The following KCNK2 variants were observed in gnomAD, a reference collection of about 807,000 sequenced individuals.
The protein encoded by KCNK2 is potassium channel subfamily K member 2.
KCNK2 carries 21 observed loss-of-function variants against 40.5 expected under a neutral mutation model. The observed-to-expected ratio is 0.52, with a 90% CI of 0.37 to 0.75. The LOEUF (loss-of-function observed/expected upper bound fraction) is 0.75, where lower values mean the gene tolerates loss of function less well. Among genes scored for constraint, KCNK2 ranks in the 30% least tolerant of loss-of-function variants. KCNK2 has a pLI of 0.00. For missense variants in KCNK2, 399 were observed against 531.6 expected (o/e 0.75, Z 2.45); for synonymous variants, 191 against 202.2 (o/e 0.94, Z 0.47).
At chr1:215,232,384 CAATT>C (rs1666702698) in intron 6 of KCNK2, among the ~76,000 whole-genome samples, 1 of 151,954 alleles carries the variant, frequency 6.6e-6, no homozygotes, top group East Asian at 1.9e-4. Flanking sequence ...ATGTTGATGA[CAATT>C]GAGATGGAAG....
At chr1:215,107,985 C>A (rs1405147553) in intron 2 of KCNK2, among the ~76,000 whole-genome samples, 2 of 152,146 alleles carry the variant, frequency 1.3e-5, no homozygotes, top group Non-Finnish European at 2.9e-5. Flanking sequence ...TTTCCACAGA[C>A]CAATGGCGGT....
chr1:215,117,159 C>T (rs1249232975), intron 2 of KCNK2, among the ~76,000 whole-genome samples: 2 of 151,942 alleles, frequency 1.3e-5, no homozygotes, highest in Non-Finnish European at 2.9e-5. Context: ...GTCCATATAA[C>T]TACAGAATTT....
chr1:215,196,107 G>A (rs1217878613), intron 6 of KCNK2, among the ~76,000 whole-genome samples: 2 of 147,566 alleles, frequency 1.4e-5, no homozygotes, highest in African/African-American at 2.5e-5. Context: ...TTTTTGAGAT[G>A]AAGTCTCGCT....
intron 6 of KCNK2, among the ~76,000 whole-genome samples, chr1:215,212,404 C>CTGATTTGAAGGGCATGTATT (rs1665779908): frequency 6.6e-6 from 1 of 151,884 alleles, no homozygotes; most frequent in South Asian, 2.1e-4. Flanking sequence ...GACAAATTTG[C>CTGATTTGAAGGGCATGTATT]TGATTTGAAG....
At chr1:215,193,188 T>A (rs541556918) in intron 5 of KCNK2, among the ~76,000 whole-genome samples, 3 of 152,268 alleles carry the variant, frequency 2.0e-5, no homozygotes, top group African/African-American at 7.2e-5. Context: ...TAGCAAAATT[T>A]AATTTCTCTA....
intron 5 of KCNK2, among the ~76,000 whole-genome samples, chr1:215,188,585 G>T (rs1032256538): frequency 4.5e-4 from 69 of 151,926 alleles, no homozygotes; most frequent in East Asian, 5.8e-4. Flanking sequence ...AAAAACCATG[G>T]CATGTTTCTC....
rs375163449 is a variant in KCNK2, at chr1:215,191,440, T to C, written c.824-3513T>C. 5.5e-4 allele frequency among the ~76,000 whole-genome samples: 84 copies of C among 152,150 alleles called. No individual in the cohort carries two copies. In the South Asian group the frequency reaches 0.017, roughly 31 times the overall value. ...GCAAATGTTTAGGAAACCTGCTTTG[T>C]GGAGATAATGGTTTCCTAGCAATAA... On this transcript the variant is annotated intron_variant, in intron 5 of 6. Coordinates refer to ENST00000444842, the MANE Select transcript of KCNK2 (RefSeq NM_001017425.3).
chr1:215,210,779 T>G (rs1460494279), intron 6 of KCNK2, among the ~76,000 whole-genome samples: 1 of 152,138 alleles, frequency 6.6e-6, no homozygotes, highest in East Asian at 1.9e-4. Flanking sequence ...CATGCAATGG[T>G]GCACAAAAAT....
intron 1 of KCNK2, among the ~76,000 whole-genome samples, chr1:215,008,146 A>G (rs2102468282): frequency 6.6e-6 from 1 of 151,166 alleles, no homozygotes; most frequent in African/African-American, 2.4e-5. Flanking sequence ...AAAGGAAGCC[A>G]TCTGATTATA....
In KCNK2 at chr1:215,111,371, T is replaced by C. The variant is rs1571624908; in HGVS notation, c.358-13262T>C. Among the ~76,000 whole-genome samples, 6 of 152,262 alleles carry C rather than the reference T, an allele frequency of 3.9e-5. 1 individual carries two copies. The East Asian group carries it at 5.8e-4, about 15-fold the overall frequency. On this transcript the variant is annotated intron_variant, in intron 2 of 6. Coordinates refer to ENST00000444842, the MANE Select transcript of KCNK2 (RefSeq NM_001017425.3). ...TTAACTGTAGGGTGTTATATATGACTATTATTTGTTGTATATATTCATTCA... is the reference window on the plus strand; with the variant it reads ...TTAACTGTAGGGTGTTATATATGACCATTATTTGTTGTATATATTCATTCA...
chr1:215,220,758 T>A (rs1283979813), intron 6 of KCNK2, among the ~76,000 whole-genome samples: 1 of 152,216 alleles, frequency 6.6e-6, no homozygotes, highest in Non-Finnish European at 1.5e-5. Flanking sequence ...ATTTGAAACA[T>A]CATTAAATGT....
At chr1:215,060,645 A>G (rs1658333464) in intron 1 of KCNK2, among the ~76,000 whole-genome samples, 1 of 152,196 alleles carries the variant, frequency 6.6e-6, no homozygotes, top group Non-Finnish European at 1.5e-5. Context: ...ATATTTATCT[A>G]CATGCCCGGG....
intron 6 of KCNK2, among the ~76,000 whole-genome samples, chr1:215,202,907 AG>A (rs1665139032): frequency 6.6e-6 from 1 of 152,124 alleles, no homozygotes; most frequent in African/African-American, 2.4e-5. Flanking sequence ...CTGCTTCCCA[AG>A]TGCTCACAAT....
At chr1:215,130,207 G>T (rs1661606095) in intron 3 of KCNK2, among the ~76,000 whole-genome samples, 1 of 152,266 alleles carries the variant, frequency 6.6e-6, no homozygotes, top group South Asian at 2.1e-4. Context: ...TAATCGTCAG[G>T]CCTACTTCAT....
chr1:215,167,278 G>A lies in KCNK2; in HGVS notation c.476-1921G>A, dbSNP rs575318920. Among the ~76,000 whole-genome samples, 6 of 151,476 alleles carry A rather than the reference G, an allele frequency of 4.0e-5. No individual in the cohort carries two copies. In the East Asian group the frequency reaches 7.7e-4, roughly 20 times the overall value. ...GGATTCCAACAAGTAAAAATCACAC[G>A]GCCCATAATCTTTGAACTACAATGG... On this transcript the variant is annotated intron_variant, in intron 3 of 6. Coordinates refer to ENST00000444842, the MANE Select transcript of KCNK2 (RefSeq NM_001017425.3).
chr1:215,024,123 A>T (rs1414610815), intron 1 of KCNK2, among the ~76,000 whole-genome samples: 1 of 152,216 alleles, frequency 6.6e-6, no homozygotes, highest in Non-Finnish European at 1.5e-5. Context: ...TTCCTAAGGC[A>T]GGTATAGGGA....
intron 5 of KCNK2, among the ~76,000 whole-genome samples, chr1:215,177,899 T>G: frequency 6.6e-6 from 1 of 151,574 alleles, no homozygotes; most frequent in East Asian, 1.9e-4. Context: ...AAGAGCTTTT[T>G]CTAGCTTTGC....
intron 1 of KCNK2, among the ~76,000 whole-genome samples, chr1:215,055,795 G>C (rs973562999): frequency 6.6e-6 from 1 of 152,184 alleles, no homozygotes; most frequent in African/African-American, 2.4e-5. Context: ...TGATGTACTT[G>C]AGAAATGGCT....
At chr1:215,035,989 A>G (rs989200632) in intron 1 of KCNK2, among the ~76,000 whole-genome samples, 1 of 151,636 alleles carries the variant, frequency 6.6e-6, no homozygotes, top group African/African-American at 2.4e-5. Context: ...TAGGAAACAT[A>G]TTTTCCTAGT....
Sources: gnomAD v4.1 joint callset for allele counts (sites outside exome capture counted in the v4.1 genomes callset) on GRCh38, gnomAD v4.1.1 for gene constraint, MANE v1.5 for transcripts, NCBI Gene and HGNC (gene_info 2026-07-23, HGNC 2026-07-21) for gene names.